SOX5: variants seen among roughly 807,000 people sequenced by gnomAD.
SOX5 encodes transcription factor SOX-5.
SOX5 carries 9 observed loss-of-function variants against 92.0 expected under a neutral mutation model. The observed-to-expected ratio is 0.10, with a 90% CI of 0.06 to 0.17. The LOEUF is 0.17. Among genes scored for constraint, SOX5 ranks in the 10% least tolerant of loss-of-function variants. SOX5 has a pLI of 1.00. For synonymous variants in SOX5, 344 were observed against 336.3 expected, an observed-to-expected ratio of 1.02 and a Z score of -0.25; for missense variants, 642 against 944.5, an observed-to-expected ratio of 0.68 and a Z score of 4.20.
At chr12:24,125,552 C>T (rs1210862715) in intron 4 of SOX5, among the ~76,000 whole-genome samples, 1 of 152,174 alleles carries the variant, frequency 6.6e-6, no homozygotes, top group Non-Finnish European at 1.5e-5. Flanking sequence ...TTTCCCAACT[C>T]TCTTGGACAC....
At chr12:24,238,957 G>A (rs1044776341) in intron 3 of SOX5, among the ~76,000 whole-genome samples, 3 of 152,098 alleles carry the variant, frequency 2.0e-5, no homozygotes, top group South Asian at 2.1e-4. Context: ...TTCATTACCG[G>A]GTAGGCCACA....
At chr12:23,798,669 C>T (rs530369727) in intron 3 of SOX5, among the ~76,000 whole-genome samples, 1 of 150,312 alleles carries the variant, frequency 6.7e-6, no homozygotes, top group Non-Finnish European at 1.5e-5. Context: ...AAATTTAAAG[C>T]TGTGACCAGT....
chr12:24,547,293 G>GC, intron 1 of SOX5, among the ~76,000 whole-genome samples: 1 of 147,948 alleles, frequency 6.8e-6, no homozygotes, highest in South Asian at 2.2e-4. Flanking sequence ...CCGGGTTCAC[G>GC]CCATTCTCCT....
At position 24,250,406 on chromosome 12, in the gene SOX5, T is replaced by C. The variant is rs140950274; in HGVS notation, c.-77+26810A>G. Among the ~76,000 whole-genome samples the C allele has an allele frequency of 1.1e-4, 16 of 152,280 alleles. No homozygotes were observed. The East Asian group carries it at 1.9e-3, about 18-fold the overall frequency. ...CTAACCTTATTACCCCAGCAAGAGATAGACACTTTTTGAGACGCAGCCTAA... is the reference window on the plus strand; with the variant it reads ...CTAACCTTATTACCCCAGCAAGAGACAGACACTTTTTGAGACGCAGCCTAA... On this transcript the variant is annotated intron_variant, in intron 3 of 4. Transcript: ENST00000446891.
chr12:24,068,895 T>C (rs924676294), intron 4 of SOX5, among the ~76,000 whole-genome samples: 1 of 151,254 alleles, frequency 6.6e-6, no homozygotes, highest in African/African-American at 2.4e-5. Flanking sequence ...GAATACCTTG[T>C]CCTGTCACCC....
chr12:24,185,566 C>T (rs1465184346), intron 4 of SOX5, among the ~76,000 whole-genome samples: 1 of 152,100 alleles, frequency 6.6e-6, no homozygotes. Context: ...GGCAATAAAT[C>T]ATCTTGACAA....
At chr12:24,386,820 GA>G (rs1182563633) in intron 1 of SOX5, among the ~76,000 whole-genome samples, 1 of 152,156 alleles carries the variant, frequency 6.6e-6, no homozygotes, top group African/African-American at 2.4e-5. Context: ...TGAGGCAGGA[GA>G]ATTATGTAAT....
chr12:24,020,993 G>A (rs1864538637), intron 4 of SOX5, among the ~76,000 whole-genome samples: 1 of 152,202 alleles, frequency 6.6e-6, no homozygotes, highest in Non-Finnish European at 1.5e-5. Flanking sequence ...TTGGCAAAAA[G>A]CCTGCAGACT....
At position 24,125,970 on chromosome 12, in the gene SOX5, T is replaced by C. The variant is rs117035614; in HGVS notation, c.-2+87373A>G. On this transcript the variant is annotated intron_variant, in intron 4 of 4. Transcript: ENST00000446891. ...TATCTTGCTTGGCATCTCAATGGCA[T>C]TTCAATGGCCATGGGCACTTCCTTT... Among the ~76,000 whole-genome samples, 1,341 of 152,266 alleles carry C rather than the reference T, an allele frequency of 8.8e-3. 17 individuals are homozygous for C. The highest frequency in any genetic ancestry group is 0.011 in the Non-Finnish European group (728 of 68,014).
chr12:24,382,689 A>G (rs932543091), intron 1 of SOX5, among the ~76,000 whole-genome samples: 2 of 152,194 alleles, frequency 1.3e-5, no homozygotes, highest in Non-Finnish European at 2.9e-5. Context: ...ATGAGAAATG[A>G]TGGTGGCTTG....
chr12:23,642,567 G>A (rs1592865510), intron 7 of SOX5, among the ~76,000 whole-genome samples: 1 of 152,354 alleles, frequency 6.6e-6, no homozygotes, highest in South Asian at 2.1e-4. Flanking sequence ...CCCAGTCCCT[G>A]TATTGCTGAA....
At chr12:24,092,617 TGA>T (rs1477825475) in intron 4 of SOX5, among the ~76,000 whole-genome samples, 2 of 152,184 alleles carry the variant, frequency 1.3e-5, no homozygotes, top group African/African-American at 2.4e-5. Context: ...TTACTAATAC[TGA>T]TGCATCTTCA....
intron 4 of SOX5, among the ~76,000 whole-genome samples, chr12:24,006,361 T>C (rs1371769231): frequency 6.6e-6 from 1 of 152,186 alleles, no homozygotes; most frequent in African/African-American, 2.4e-5. Flanking sequence ...TTTCTTCTTG[T>C]TGTCCTTACT....
chr12:24,526,381 G>A (rs1950713359), intron 1 of SOX5, among the ~76,000 whole-genome samples: 1 of 152,144 alleles, frequency 6.6e-6, no homozygotes, highest in South Asian at 2.1e-4. Flanking sequence ...GCAGACAGGA[G>A]AAAGAGACTC....
intron 6 of SOX5, among the ~76,000 whole-genome samples, chr12:23,709,699 G>A (rs2091843467): frequency 6.6e-6 from 1 of 152,100 alleles, no homozygotes; most frequent in Admixed American, 6.6e-5. Context: ...TTCTCCTACT[G>A]GTTAGGAGGT....
intron 8 of SOX5, among the ~76,000 whole-genome samples, chr12:23,635,284 G>A (rs544803943): frequency 2.0e-5 from 3 of 152,238 alleles, no homozygotes; most frequent in African/African-American, 7.2e-5. Context: ...GATCCAGGGT[G>A]GAGAAAGAAC....
intron 2 of SOX5, among the ~76,000 whole-genome samples, chr12:23,866,176 T>C (rs2136593819): frequency 6.6e-6 from 1 of 152,286 alleles, no homozygotes; most frequent in African/African-American, 2.4e-5. Context: ...TACATACACA[T>C]GTACACTATG....
At chr12:24,164,922 C>A (rs140002169) in intron 4 of SOX5, among the ~76,000 whole-genome samples, 1 of 152,016 alleles carries the variant, frequency 6.6e-6, no homozygotes, top group African/African-American at 2.4e-5. Flanking sequence ...AAGAAGGTAT[C>A]TTTGAAAGTA....
intron 13 of SOX5, among the ~76,000 whole-genome samples, chr12:23,538,463 G>T (rs1941120844): frequency 1.3e-5 from 2 of 152,096 alleles, no homozygotes; most frequent in South Asian, 2.1e-4. Context: ...CATTAGGTTG[G>T]TTGGTCAAGC....
Sources: gnomAD v4.1 joint callset for allele counts (sites outside exome capture counted in the v4.1 genomes callset) on GRCh38, gnomAD v4.1.1 for gene constraint, MANE v1.5 for transcripts, NCBI Gene and HGNC (gene_info 2026-07-23, HGNC 2026-07-21) for gene names.